Variants in TUBGCP3 observed in about 807,000 individuals in gnomAD.
TUBGCP3 encodes tubulin gamma complex component 3.
Under a neutral mutation model 123.1 loss-of-function variants are expected in TUBGCP3, and 50 were observed. The ratio of observed to expected loss-of-function variants is 0.41; its 90% CI spans 0.32 to 0.51. TUBGCP3 has a LOEUF of 0.51. TUBGCP3 is among the 20% of genes least tolerant of loss of function. The pLI is 0.36. For synonymous variants in TUBGCP3, 405 were observed against 413.9 expected (o/e 0.98, Z 0.26); for missense variants, 882 against 1,127.0 (o/e 0.78, Z 3.11).
In TUBGCP3 at chr13:112,522,520, C is replaced by T; in HGVS notation, c.1556-11G>A. 6.2e-7 allele frequency: 1 copy of T among 1,605,850 alleles called. No individual in the cohort carries two copies. Among genetic ancestry groups the T allele is most frequent in the Non-Finnish European group, 8.5e-7 (1 of 1,173,400 alleles). On this transcript the variant is annotated splice_polypyrimidine_tract_variant and intron_variant, in intron 13 of 21. Coordinates refer to ENST00000261965, the MANE Select transcript of TUBGCP3 (RefSeq NM_006322.6). ...TGAATAGGTCTGCAGCTGTAAAGAA[C>T]AACAGGGAAGAGCACACATGCATAT...
intron 8 of TUBGCP3, among the ~76,000 whole-genome samples, chr13:112,549,244 A>T (rs937121404): frequency 6.6e-6 from 1 of 152,032 alleles, no homozygotes; most frequent in Non-Finnish European, 1.5e-5. Flanking sequence ...GACAGAAAAC[A>T]AAACACCGCA....
intron 11 of TUBGCP3, among the ~76,000 whole-genome samples, 165 bp from the exon 12 acceptor site, chr13:112,527,649 T>C (rs1877245279): frequency 6.6e-6 from 1 of 152,250 alleles, no homozygotes; most frequent in Admixed American, 6.5e-5. Flanking sequence ...GAAATCTCTC[T>C]AAATTGAACT....
intron 13 of TUBGCP3, among the ~76,000 whole-genome samples, chr13:112,526,113 CATT>C (rs956883790): frequency 6.6e-6 from 1 of 152,092 alleles, no homozygotes; most frequent in Admixed American, 6.6e-5. Context: ...TCACAATTAT[CATT>C]GTCATTACTA....
At chr13:112,551,101 C>CA (rs373447891) in intron 8 of TUBGCP3, among the ~76,000 whole-genome samples, 5,020 of 142,528 alleles carry the variant, frequency 0.035, 115 homozygotes, top group Middle Eastern at 0.06. Context: ...GACTCCGTCT[C>CA]AAAAAAAAAA....
upstream of TUBGCP3, among the ~76,000 whole-genome samples, chr13:112,590,027 C>G (rs949525397): frequency 1.3e-5 from 2 of 151,124 alleles, no homozygotes; most frequent in East Asian, 1.9e-4. Context: ...GAGTCTCGCT[C>G]TGTTGCCCAG....
intron 11 of TUBGCP3, among the ~76,000 whole-genome samples, chr13:112,536,427 C>A (rs1878061375): frequency 6.6e-6 from 1 of 152,214 alleles, no homozygotes; most frequent in Admixed American, 6.5e-5. Flanking sequence ...TCCATAAGCA[C>A]AGAATGTCTT....
intron 4 of TUBGCP3, among the ~76,000 whole-genome samples, chr13:112,559,012 A>G (rs916827970): frequency 1.3e-5 from 2 of 152,244 alleles, no homozygotes; most frequent in Non-Finnish European, 2.9e-5. Flanking sequence ...CTTCTAGTTC[A>G]TAAAGAATTA....
chr13:112,516,662 A>T lies in TUBGCP3; in HGVS notation c.1951-87T>A, dbSNP rs902145285. On this transcript the variant is annotated intron_variant, in intron 16 of 21. Transcript: ENST00000261965. ...TCTCAATCTTTTTTTAAAAAGGTAC[A>T]TTTTAGCAAACTATCATAATAGGCA... The T allele has an allele frequency of 4.9e-6, 7 of 1,430,820 alleles. No individual in the cohort carries two copies. The African/African-American group carries it at 8.7e-5, about 18-fold the overall frequency. 88.6% of individuals were successfully genotyped at this position (1,430,820 alleles called of 1,614,324 possible). A position where few individuals can be genotyped will look rare whatever the true frequency, so the allele number is the denominator to read the frequency against.
intron 11 of TUBGCP3, among the ~76,000 whole-genome samples, chr13:112,529,473 G>A (rs189578304): frequency 1.5e-4 from 23 of 152,310 alleles, no homozygotes; most frequent in South Asian, 6.2e-4. Flanking sequence ...TCATGAGAGC[G>A]TGGATTTAAG....
intron 1 of TUBGCP3, among the ~76,000 whole-genome samples, chr13:112,581,970 C>T (rs914166418): frequency 6.6e-6 from 1 of 152,138 alleles, no homozygotes. Flanking sequence ...GTCTCCCTGT[C>T]CTCTTACCAA....
intron 5 of TUBGCP3, among the ~76,000 whole-genome samples, chr13:112,557,660 T>C (rs2139224543): frequency 1.3e-5 from 2 of 152,364 alleles, no homozygotes; most frequent in Middle Eastern, 6.8e-3. Flanking sequence ...CCTGTATTTC[T>C]TGAAAACATG....
chr13:112,564,884 T>C (rs1880833580), intron 3 of TUBGCP3, among the ~76,000 whole-genome samples: 1 of 152,214 alleles, frequency 6.6e-6, no homozygotes, highest in African/African-American at 2.4e-5. Flanking sequence ...TCTGTTGACT[T>C]TCCCTGTGCA....
chr13:112,534,336 G>C (rs1438053253), intron 11 of TUBGCP3, among the ~76,000 whole-genome samples: 1 of 152,166 alleles, frequency 6.6e-6, no homozygotes. Context: ...CACGAGGTCA[G>C]GAGATCGAGA....
chr13:112,516,717 G>A, intron 16 of TUBGCP3, 142 bp from the exon 17 acceptor site: 1 of 995,820 alleles, frequency 1.0e-6, no homozygotes, highest in South Asian at 1.8e-5. Context: ...AGTAACAGAA[G>A]GCAGGCATTT....
intron 3 of TUBGCP3, among the ~76,000 whole-genome samples, chr13:112,560,991 C>G (rs925250069): frequency 1.4e-4 from 22 of 152,214 alleles, no homozygotes; most frequent in Non-Finnish European, 1.0e-4. Context: ...ACACAGCAAC[C>G]TGGCAAAGGC....
intron 20 of TUBGCP3, among the ~76,000 whole-genome samples, chr13:112,498,031 T>TACACACACACACACATGC (rs954632265): frequency 4.6e-5 from 7 of 151,420 alleles, no homozygotes; most frequent in Non-Finnish European, 8.9e-5. Context: ...CATATACATG[T>TACACACACACACACATGC]ACACACACAC....
chr13:112,565,312 T>C, intron 2 of TUBGCP3, 134 bp from the exon 3 acceptor site: 1 of 710,844 alleles, frequency 1.4e-6, no homozygotes, highest in Non-Finnish European at 2.4e-6. Flanking sequence ...AATTAGATGA[T>C]GAGCAACTTT....
intron 11 of TUBGCP3, among the ~76,000 whole-genome samples, chr13:112,536,951 C>G (rs1346539314): frequency 2.0e-5 from 3 of 151,888 alleles, no homozygotes; most frequent in Admixed American, 2.0e-4. Flanking sequence ...TTTTCTTAAT[C>G]TTTTGTAGAG....
Position 112,555,401 on chromosome 13 carries a change from C to T in TUBGCP3, c.722-396G>A, listed in dbSNP as rs577826858. Among the ~76,000 whole-genome samples the T allele has an allele frequency of 4.6e-5, 7 of 152,342 alleles. No individual in the cohort carries two copies. In the East Asian group the frequency reaches 1.3e-3, roughly 29 times the overall value. On this transcript the variant is annotated intron_variant, in intron 6 of 21. Coordinates refer to ENST00000261965, the MANE Select transcript of TUBGCP3 (RefSeq NM_006322.6). ...TCTACGCAAGGACAGGTACAGGTAA[C>T]ATCCAGAGCCATTTCGTAATCAGCA...
Sources: allele counts gnomAD v4.1 joint callset (sites outside exome capture counted in the v4.1 genomes callset), GRCh38; gene constraint gnomAD v4.1.1; transcripts MANE v1.5; gene names NCBI Gene and HGNC (gene_info 2026-07-23, HGNC 2026-07-21).